CNIH3: variants seen among roughly 807,000 people sequenced by gnomAD.
CNIH3 encodes the protein protein cornichon homolog 3.
In CNIH3, 14 loss-of-function variants were observed where a neutral mutation model predicts 24.1. The observed-to-expected ratio is 0.58, with a 90% CI of 0.38 to 0.91. The LOEUF (loss-of-function observed/expected upper bound fraction) is 0.91, where lower values mean the gene tolerates loss of function less well. Ranked by LOEUF, CNIH3 falls within the 40% of genes least tolerant of loss-of-function variation. The pLI is 0.00. For synonymous variants in CNIH3, 68 were observed against 73.8 expected, an observed-to-expected ratio of 0.92 and a Z score of 0.40; for missense variants, 178 against 196.8, an observed-to-expected ratio of 0.90 and a Z score of 0.57.
At chr1:224,593,415 ATT>A (rs1361742950), downstream of CNIH3, among the ~76,000 whole-genome samples, 2 of 152,162 alleles carry the variant, frequency 1.3e-5, no homozygotes, top group Non-Finnish European at 2.9e-5. Flanking sequence ...TTTTCAGGTC[ATT>A]ACTACTACAC....
intron 1 of CNIH3, among the ~76,000 whole-genome samples, chr1:224,483,661 G>C (rs112618550): frequency 1.6e-3 from 243 of 151,388 alleles, no homozygotes; most frequent in African/African-American, 5.8e-3. Flanking sequence ...GCATCCCAAA[G>C]TTCTGGGATT....
chr1:224,641,751 C>T (rs145332840), intron 1 of CNIH3, among the ~76,000 whole-genome samples: 2 of 152,310 alleles, frequency 1.3e-5, no homozygotes, highest in Admixed American at 1.3e-4. Context: ...CCACAACACA[C>T]TTCCTTTTTT....
At chr1:224,594,298 G>A (rs1293138236) in intron 3 of CNIH3, among the ~76,000 whole-genome samples, 1 of 152,226 alleles carries the variant, frequency 6.6e-6, no homozygotes, top group African/African-American at 2.4e-5. Flanking sequence ...TTGTCTGGAA[G>A]GGGCTGGAGC....
At chr1:224,639,405 T>C (rs977055885) in intron 1 of CNIH3, among the ~76,000 whole-genome samples, 1 of 152,232 alleles carries the variant, frequency 6.6e-6, no homozygotes, top group Admixed American at 6.5e-5. Context: ...CCCCACCTTC[T>C]CAAGCTTGAA....
chr1:224,682,189 A>AT (rs1686434961), intron 2 of CNIH3, among the ~76,000 whole-genome samples: 1 of 152,268 alleles, frequency 6.6e-6, no homozygotes, highest in South Asian at 2.1e-4. Flanking sequence ...TGGAGTTGTC[A>AT]TTTTTTTGAG....
chr1:224,697,777 C>T (rs1442452155), intron 3 of CNIH3, among the ~76,000 whole-genome samples: 1 of 152,148 alleles, frequency 6.6e-6, no homozygotes, highest in East Asian at 1.9e-4. Context: ...GTTTCTGGGC[C>T]ACAAAATGGG....
intron 3 of CNIH3, among the ~76,000 whole-genome samples, chr1:224,698,535 G>T (rs1020628995): frequency 6.6e-6 from 1 of 152,206 alleles, no homozygotes; most frequent in African/African-American, 2.4e-5. Flanking sequence ...TATGTCTTCT[G>T]AGAGAAACTG....
intron 1 of CNIH3, among the ~76,000 whole-genome samples, chr1:224,470,339 A>G (rs1676322146): frequency 7.6e-6 from 1 of 131,920 alleles, no homozygotes; most frequent in South Asian, 2.4e-4. Context: ...TTTTTTTAAG[A>G]GGTAGTGTCT....
intron 1 of CNIH3, among the ~76,000 whole-genome samples, chr1:224,487,304 C>T (rs535112867): frequency 5.6e-4 from 86 of 152,276 alleles, no homozygotes; most frequent in African/African-American, 1.9e-3. Context: ...TTCTCAGAAT[C>T]GTAGACTATT....
intron 1 of CNIH3, among the ~76,000 whole-genome samples, chr1:224,660,485 ATCT>A (rs1165941845): frequency 1.3e-5 from 2 of 152,068 alleles, no homozygotes; most frequent in Non-Finnish European, 2.9e-5. Flanking sequence ...ATAAGAACAC[ATCT>A]TCTTTGGCAC....
chr1:224,643,218 G>A (rs1684444079), intron 1 of CNIH3, among the ~76,000 whole-genome samples: 1 of 152,172 alleles, frequency 6.6e-6, no homozygotes, highest in South Asian at 2.1e-4. Flanking sequence ...AATAGGGGGA[G>A]AAATAAAACG....
At chr1:224,713,380 A>G (rs949005355) in intron 3 of CNIH3, among the ~76,000 whole-genome samples, 3 of 152,152 alleles carry the variant, frequency 2.0e-5, no homozygotes, top group Non-Finnish European at 2.9e-5. Context: ...TGCTTTGATG[A>G]TTCAGTGTGC....
intron 5 of CNIH3, among the ~76,000 whole-genome samples, chr1:224,584,288 A>G (rs1681402854): frequency 6.6e-6 from 1 of 152,232 alleles, no homozygotes; most frequent in Non-Finnish European, 1.5e-5. Flanking sequence ...AGAAGTATAC[A>G]GTCCCCATAA....
chr1:224,638,300 T>C (rs896086783), intron 1 of CNIH3, among the ~76,000 whole-genome samples: 1 of 152,208 alleles, frequency 6.6e-6, no homozygotes, highest in Non-Finnish European at 1.5e-5. Context: ...CATGGGGAGA[T>C]TCCCAAGGGA....
intron 1 of CNIH3, among the ~76,000 whole-genome samples, chr1:224,519,475 C>T (rs7550648): frequency 0.23 from 34,333 of 151,850 alleles, 4,249 homozygotes; most frequent in African/African-American, 0.33. Flanking sequence ...TCTATGATTG[C>T]GGGAGTTCTC....
At chr1:224,605,681 C>T (rs1194669635) in intron 3 of CNIH3, among the ~76,000 whole-genome samples, 3 of 152,084 alleles carry the variant, frequency 2.0e-5, no homozygotes, top group Non-Finnish European at 4.4e-5. Flanking sequence ...CCAGATGGCC[C>T]CACCCAGACC....
chr1:224,613,890 T>G (rs1682817669), upstream of CNIH3, among the ~76,000 whole-genome samples: 1 of 152,032 alleles, frequency 6.6e-6, no homozygotes, highest in Non-Finnish European at 1.5e-5. Context: ...TTTTGTTTTT[T>G]TTTTTTGAGA....
intron 1 of CNIH3, among the ~76,000 whole-genome samples, chr1:224,474,776 C>T (rs1480080671): frequency 1.3e-5 from 2 of 152,180 alleles, no homozygotes; most frequent in East Asian, 1.9e-4. Flanking sequence ...GCCTGTAATC[C>T]CAGCACTTTG....
At chr1:224,551,928 C>A (rs1679939194) in intron 3 of CNIH3, among the ~76,000 whole-genome samples, 1 of 151,370 alleles carries the variant, frequency 6.6e-6, no homozygotes, top group Non-Finnish European at 1.5e-5. Flanking sequence ...GGTGTACTCC[C>A]TCTGTGTACA....
Sources: gnomAD v4.1 joint callset for allele counts (sites outside exome capture counted in the v4.1 genomes callset) on GRCh38, gnomAD v4.1.1 for gene constraint, MANE v1.5 for transcripts, NCBI Gene and HGNC (gene_info 2026-07-23, HGNC 2026-07-21) for gene names.